Variants in FAM184B observed in about 807,000 individuals in gnomAD.
FAM184B encodes family with sequence similarity 184 member B.
In FAM184B, 111 loss-of-function variants were observed where a neutral mutation model predicts 135.9. That is an observed-to-expected ratio of 0.82 (90% CI 0.70 to 0.96). The LOEUF (loss-of-function observed/expected upper bound fraction) is 0.96. Ranked by LOEUF, FAM184B falls within the 40% of genes least tolerant of loss-of-function variation. FAM184B has a pLI of 0.00. For missense variants in FAM184B, 1,375 were observed against 1,323.9 expected, an observed-to-expected ratio of 1.04 and a Z score of -0.60; for synonymous variants, 552 against 524.8, an observed-to-expected ratio of 1.05 and a Z score of -0.71.
chr4:17,712,755 AG>A lies in FAM184B; in HGVS notation c.142-3112del, dbSNP rs151044876. Among the ~76,000 whole-genome samples, 1,321 of 152,192 alleles carry A rather than the reference AG, an allele frequency of 8.7e-3. 20 individuals carry two copies. Among genetic ancestry groups the A allele is most frequent in the African/African-American group, 0.029 (1,214 of 41,474 alleles). On this transcript the variant is annotated intron_variant, in intron 1 of 17. Coordinates refer to ENST00000265018, the MANE Select transcript of FAM184B (RefSeq NM_015688.2). ...CATAGAGTTTAGAAAACAAAAAAAAAGCTTTGTATGGCTTTAAAAAAAAGTC... is the reference window on the plus strand; with the variant it reads ...CATAGAGTTTAGAAAACAAAAAAAAACTTTGTATGGCTTTAAAAAAAAGTC...
chr4:17,662,344 CTT>C (rs35855307), intron 8 of FAM184B, among the ~76,000 whole-genome samples: 9 of 149,324 alleles, frequency 6.0e-5, no homozygotes, highest in South Asian at 2.1e-4. Context: ...ATATTTTTTT[CTT>C]TTTTTTTTTG....
intron 1 of FAM184B, among the ~76,000 whole-genome samples, chr4:17,720,910 A>T (rs2108972202): frequency 6.6e-6 from 1 of 151,816 alleles, no homozygotes; most frequent in East Asian, 1.9e-4. Flanking sequence ...AAAGAAAGAA[A>T]AAAGAAGAAA....
In FAM184B at chr4:17,707,663, C is replaced by T; in HGVS notation, c.1016G>A (p.Gly339Glu). The T allele has an allele frequency of 6.4e-7, 1 of 1,551,700 alleles. No homozygotes were observed. Among genetic ancestry groups the T allele is most frequent in the Non-Finnish European group, 8.7e-7 (1 of 1,147,000 alleles). Residue 339 changes from glycine (G) to glutamate (E), a missense_variant, in exon 3 of 18, where the codon GGG becomes GAG. Physicochemically the swap from Gly to Glu is moderately conservative, Grantham distance 98. Coordinates refer to ENST00000265018, the MANE Select transcript of FAM184B (RefSeq NM_015688.2). ...KDRMMLQECR[G>E]TQQTDAMKTE... ...GGGCATCTCACCTGTCTGCTGTGTC[C>T]CACGACACTCCTGCAGCATCATTCT...
Position 17,630,986 on chromosome 4 carries a change from C to T in FAM184B, c.*1546G>A, listed in dbSNP as rs1332235200. 1 of 152,150 alleles carries T rather than the reference C, an allele frequency of 6.6e-6. No individual in the cohort carries two copies. Among genetic ancestry groups the T allele is most frequent in the Non-Finnish European group, 1.5e-5 (1 of 68,030 alleles). 9.4% of individuals were successfully genotyped at this position (152,150 alleles called of 1,614,324 possible). A position where few individuals can be genotyped will look rare whatever the true frequency, so the allele number is the denominator to read the frequency against. On this transcript the variant is annotated 3_prime_UTR_variant, in exon 18 of 18. Transcript: ENST00000265018. ...GTTTGTGGGCCACCTTCTGGGCCAG[C>T]ACCAAAGACTGAAAAAATATTTTGC...
rs116282369 is a variant in FAM184B at position 17,705,972 on chromosome 4, G to A, written c.1031-81C>T. On this transcript the variant is annotated intron_variant, in intron 3 of 17. Transcript: ENST00000265018. ...CAAGGCTTTCTGCTGTCAGGCCCCC[G>A]TTCCGCTTTACAACCACTTTGTCCA... 7.5e-4 allele frequency: 1,142 copies of A among 1,514,858 alleles called. 6 individuals carry two copies. The African/African-American group carries it at 0.013, about 17-fold the overall frequency. 93.8% of individuals were successfully genotyped at this position (1,514,858 alleles called of 1,614,324 possible).
At chr4:17,654,707 C>T (rs1013288811) in intron 10 of FAM184B, among the ~76,000 whole-genome samples, 1 of 152,208 alleles carries the variant, frequency 6.6e-6, no homozygotes, top group South Asian at 2.1e-4. Context: ...ATTCAACCAC[C>T]TTTGAGCCCA....
chr4:17,704,828 AT>A (rs541974453), intron 5 of FAM184B, among the ~76,000 whole-genome samples, 171 bp downstream of exon 5: 75 of 152,326 alleles, frequency 4.9e-4, no homozygotes, highest in African/African-American at 1.5e-3. Context: ...GAGCTGTGCT[AT>A]CTATCATAAC....
At position 17,705,879 on chromosome 4, in the gene FAM184B, GTCT is replaced by G; in HGVS notation, c.1040_1042del (p.Lys347del). 1 of 1,552,268 alleles carries G rather than the reference GTCT, an allele frequency of 6.4e-7. No homozygotes were observed. Among genetic ancestry groups the G allele is most frequent in the East Asian group, 2.4e-5 (1 of 40,918 alleles). ...GACTTTGTTCTCTGAAACTAACTCA[GTCT>G]TCATGGCATCTGCAAGCATACATTT... is the stretch of plus-strand genomic sequence containing the variant. On this transcript the variant is annotated inframe_deletion, in exon 4 of 18. Transcript: ENST00000265018.
intron 12 of FAM184B, among the ~76,000 whole-genome samples, chr4:17,642,743 C>A (rs1275344575): frequency 6.6e-6 from 1 of 151,854 alleles, no homozygotes; most frequent in Non-Finnish European, 1.5e-5. Context: ...CTCTCTTCAT[C>A]TTTCCAACCC....
At chr4:17,664,460 C>A in intron 8 of FAM184B, 102 bp downstream of exon 8, 1 of 884,016 alleles carries the variant, frequency 1.1e-6, no homozygotes, top group Non-Finnish European at 1.7e-6. Flanking sequence ...CTGCAAGGAG[C>A]AGTGATAAAT....
intron 1 of FAM184B, among the ~76,000 whole-genome samples, chr4:17,710,011 T>C (rs7669790): frequency 0.72 from 109,538 of 152,000 alleles, 40,351 homozygotes; most frequent in Non-Finnish European, 0.8. Context: ...GGAATGCAAA[T>C]CCCGGAACAA....
At chr4:17,633,130 C>A (rs1456139319) in intron 17 of FAM184B, 1 of 154,816 alleles carries the variant, frequency 6.5e-6, no homozygotes, top group African/African-American at 2.4e-5. Flanking sequence ...CCATGTTGCC[C>A]AGGCTGGTCT....
Position 17,747,842 on chromosome 4 carries a change from A to G in FAM184B, c.141+33317T>C, listed in dbSNP as rs1271340337. On this transcript the variant is annotated intron_variant, in intron 1 of 17. Transcript: ENST00000265018. ...AGGCTGAGGCAGGAGAATGGCGTGA[A>G]CCCGGGAGGCGGAGCTTGCAGTGAG... Among the ~76,000 whole-genome samples the G allele has an allele frequency of 4.4e-5, 6 of 137,636 alleles. No homozygotes were observed. The South Asian group carries it at 1.3e-3, about 29-fold the overall frequency. 90.3% of individuals were successfully genotyped at this position (137,636 alleles called of 152,430 possible).
intron 7 of FAM184B, among the ~76,000 whole-genome samples, chr4:17,666,305 CTTTTT>C (rs71167320): frequency 1.5e-5 from 2 of 131,274 alleles, no homozygotes; most frequent in African/African-American, 5.7e-5. Context: ...CCCTGGAATT[CTTTTT>C]TTTTTTTTTT....
intron 5 of FAM184B, among the ~76,000 whole-genome samples, chr4:17,703,472 T>C (rs985959066): frequency 4.0e-5 from 6 of 150,188 alleles, no homozygotes; most frequent in Non-Finnish European, 8.8e-5. Context: ...CACTCCAGCC[T>C]GGGCAAGAGA....
intron 1 of FAM184B, among the ~76,000 whole-genome samples, chr4:17,753,700 AG>A (rs1718358557): frequency 6.6e-6 from 1 of 152,240 alleles, no homozygotes; most frequent in South Asian, 2.1e-4. Flanking sequence ...AAGAAACCAA[AG>A]AACAAAGCAG....
chr4:17,663,946 G>A (rs1715984345), intron 8 of FAM184B, among the ~76,000 whole-genome samples: 1 of 151,728 alleles, frequency 6.6e-6, no homozygotes, highest in African/African-American at 2.4e-5. Context: ...AGATATGCCT[G>A]CTTCCCCTTC....
At chr4:17,702,503 A>C (rs1717011449) in intron 5 of FAM184B, among the ~76,000 whole-genome samples, 2 of 152,138 alleles carry the variant, frequency 1.3e-5, no homozygotes, top group South Asian at 4.1e-4. Context: ...TACACAGTAT[A>C]CCTGCAGACA....
intron 1 of FAM184B, among the ~76,000 whole-genome samples, chr4:17,728,548 G>C (rs1577279536): frequency 6.6e-6 from 1 of 152,156 alleles, no homozygotes; most frequent in African/African-American, 2.4e-5. Flanking sequence ...GTCTCTCGGG[G>C]CAGTCAGTGT....
Sources: gnomAD v4.1 joint callset for allele counts (sites outside exome capture counted in the v4.1 genomes callset) on GRCh38, gnomAD v4.1.1 for gene constraint, MANE v1.5 for transcripts, NCBI Gene and HGNC (gene_info 2026-07-23, HGNC 2026-07-21) for gene names.